Variants in PLCL2 observed in about 807,000 individuals in gnomAD.
PLCL2 encodes the protein phospholipase C like 2.
In PLCL2, 4 loss-of-function variants were observed where a neutral mutation model predicts 79.6. That is an observed-to-expected ratio of 0.05 (90% CI 0.02 to 0.11). The LOEUF is 0.11. Ranked by LOEUF, PLCL2 falls within the 10% of genes least tolerant of loss-of-function variation. PLCL2 has a pLI of 1.00. For synonymous variants in PLCL2, 484 were observed against 457.7 expected, an observed-to-expected ratio of 1.06 and a Z score of -0.73; for missense variants, 895 against 1,291.0, an observed-to-expected ratio of 0.69 and a Z score of 4.70.
intron 1 of PLCL2, among the ~76,000 whole-genome samples, chr3:16,964,584 G>T (rs1346861780): frequency 6.6e-6 from 1 of 152,172 alleles, no homozygotes; most frequent in Non-Finnish European, 1.5e-5. Context: ...AGATCCTTGA[G>T]GAATCCCCAC....
rs568242036 is a variant in PLCL2 at position 16,918,920 on chromosome 3, G to A, written c.327+33554G>A. On this transcript the variant is annotated intron_variant, in intron 1 of 5. Transcript: ENST00000615277. ...AATCCTAATCACTTTACACTTGACA[G>A]CATGTATAAACTTGTATCCACTAAT... Among the ~76,000 whole-genome samples the A allele has an allele frequency of 2.0e-5, 3 of 152,242 alleles. No homozygotes were observed. In the East Asian group the frequency reaches 5.8e-4, roughly 29 times the overall value.
rs1194147987 is a variant in PLCL2, at chr3:17,090,537, T to C, written c.*625T>C. 1.3e-5 allele frequency: 2 copies of C among 152,642 alleles called. No homozygotes were observed. Among genetic ancestry groups the C allele is most frequent in the Non-Finnish European group, 2.9e-5 (2 of 68,086 alleles). The allele number at this position is 152,642 out of a possible 1,614,324, so 9.5% of individuals were successfully genotyped here. A position where few individuals can be genotyped will look rare whatever the true frequency, so the allele number is the denominator to read the frequency against. On this transcript the variant is annotated 3_prime_UTR_variant, in exon 6 of 6. Coordinates refer to ENST00000615277, the MANE Select transcript of PLCL2 (RefSeq NM_001144382.2). The stretch of plus-strand genomic sequence containing the variant: ...AAGCAGCCAATCTGGAAACAATACA[T>C]TGTAAATAGTTTTTCATTGTATGAA...
chr3:16,891,331 T>C (rs1696344419), intron 1 of PLCL2, among the ~76,000 whole-genome samples: 2 of 152,254 alleles, frequency 1.3e-5, no homozygotes, highest in Admixed American at 1.3e-4. Context: ...AGATGATTGA[T>C]GTGTGAGCAG....
At chr3:16,934,418 G>A (rs188315081) in intron 1 of PLCL2, among the ~76,000 whole-genome samples, 13 of 152,290 alleles carry the variant, frequency 8.5e-5, no homozygotes, top group Middle Eastern at 3.4e-3. Context: ...TTCTAGGAGA[G>A]GGAACACCAG....
At chr3:16,924,704 A>G (rs947475262) in intron 1 of PLCL2, among the ~76,000 whole-genome samples, 7 of 152,098 alleles carry the variant, frequency 4.6e-5, no homozygotes, top group African/African-American at 1.7e-4. Context: ...AGAGTGATAG[A>G]TTTCTCCTTT....
intron 3 of PLCL2, among the ~76,000 whole-genome samples, chr3:17,015,453 C>T (rs538632113): frequency 1.3e-5 from 2 of 152,288 alleles, no homozygotes; most frequent in East Asian, 3.9e-4. Flanking sequence ...TAGAATATTA[C>T]ATTTTTCTAC....
At chr3:16,970,528 G>T (rs1394587313) in intron 1 of PLCL2, among the ~76,000 whole-genome samples, 2 of 148,598 alleles carry the variant, frequency 1.3e-5, no homozygotes, top group Non-Finnish European at 1.5e-5. Context: ...ACATACGTGT[G>T]CATGTGTCTT....
At chr3:17,081,577 T>A (rs1158821029) in intron 5 of PLCL2, 1 of 199,594 alleles carries the variant, frequency 5.0e-6, no homozygotes, top group African/African-American at 2.4e-5. Context: ...CACTAACAGA[T>A]GTGTCTTGAA....
At chr3:16,957,848 C>G (rs1162660027) in intron 1 of PLCL2, among the ~76,000 whole-genome samples, 1 of 152,178 alleles carries the variant, frequency 6.6e-6, no homozygotes, top group Non-Finnish European at 1.5e-5. Context: ...ACTAGGATTG[C>G]AACCCCTGCC....
intron 1 of PLCL2, among the ~76,000 whole-genome samples, chr3:16,922,983 C>G (rs1293144743): frequency 2.0e-5 from 3 of 152,142 alleles, no homozygotes; most frequent in Non-Finnish European, 4.4e-5. Flanking sequence ...ACAATAACCC[C>G]TCTATAATAC....
intron 1 of PLCL2, among the ~76,000 whole-genome samples, chr3:16,955,128 T>C (rs1358219096): frequency 6.6e-6 from 1 of 152,256 alleles, no homozygotes; most frequent in Non-Finnish European, 1.5e-5. Context: ...TGGTAATGCC[T>C]AGGTTTTCTT....
chr3:16,991,727 A>G (rs893756158), intron 1 of PLCL2, among the ~76,000 whole-genome samples: 4 of 152,148 alleles, frequency 2.6e-5, no homozygotes, highest in Admixed American at 2.6e-4. Flanking sequence ...TTTTAGTCTT[A>G]TTAAATTAAT....
chr3:16,982,829 C>G (rs2064014018), intron 1 of PLCL2, among the ~76,000 whole-genome samples: 1 of 152,048 alleles, frequency 6.6e-6, no homozygotes, highest in South Asian at 2.1e-4. Context: ...TTAGTTGTTT[C>G]TAAAAATTAA....
chr3:17,028,644 T>C (rs1375372869), intron 3 of PLCL2, among the ~76,000 whole-genome samples: 2 of 151,778 alleles, frequency 1.3e-5, no homozygotes, highest in African/African-American at 4.8e-5. Flanking sequence ...GCCCGGCTCA[T>C]TTTGTTGTTT....
chr3:17,061,840 C>T (rs2064956004), intron 4 of PLCL2, among the ~76,000 whole-genome samples: 1 of 152,230 alleles, frequency 6.6e-6, no homozygotes, highest in Admixed American at 6.5e-5. Flanking sequence ...TTTGTTCACA[C>T]AGCCTATATC....
chr3:17,082,973 C>G (rs889786385), intron 5 of PLCL2, among the ~76,000 whole-genome samples: 2 of 152,100 alleles, frequency 1.3e-5, no homozygotes, highest in Non-Finnish European at 2.9e-5. Flanking sequence ...AATTACAATA[C>G]TTTAATTGCA....
intron 1 of PLCL2, among the ~76,000 whole-genome samples, chr3:16,934,964 T>A (rs559716371): frequency 7.2e-5 from 11 of 152,324 alleles, no homozygotes; most frequent in African/African-American, 2.4e-4. Context: ...ACTTGCTGAG[T>A]CAAAGGAAAG....
At chr3:16,943,129 T>G (rs1269219958) in intron 1 of PLCL2, among the ~76,000 whole-genome samples, 2 of 152,224 alleles carry the variant, frequency 1.3e-5, no homozygotes, top group African/African-American at 4.8e-5. Context: ...GTGCTTTATT[T>G]TATACTTCTG....
At chr3:16,900,549 T>C (rs1696593600) in intron 1 of PLCL2, among the ~76,000 whole-genome samples, 1 of 152,214 alleles carries the variant, frequency 6.6e-6, no homozygotes, top group Non-Finnish European at 1.5e-5. Flanking sequence ...TAAAAGGTTT[T>C]TAAAGCTCCT....
Sources: gnomAD v4.1 joint callset for allele counts (sites outside exome capture counted in the v4.1 genomes callset) on GRCh38, gnomAD v4.1.1 for gene constraint, MANE v1.5 for transcripts, NCBI Gene and HGNC (gene_info 2026-07-23, HGNC 2026-07-21) for gene names.